The following CADM2 variants were observed in gnomAD, a reference collection of about 807,000 sequenced individuals.
CADM2 encodes cell adhesion molecule 2.
Under a neutral mutation model 49.8 loss-of-function variants are expected in CADM2, and 12 were observed. The ratio of observed to expected loss-of-function variants is 0.24; its 90% CI spans 0.15 to 0.39. The LOEUF (loss-of-function observed/expected upper bound fraction) is 0.39, where lower values mean the gene tolerates loss of function less well. CADM2 is among the 10% of genes least tolerant of loss of function. CADM2 has a pLI of 1.00. For synonymous variants in CADM2, 214 were observed against 175.4 expected (o/e 1.22, Z -1.74); for missense variants, 378 against 492.3 (o/e 0.77, Z 2.20).
chr3:85,552,138 A>G (rs1350748598), intron 1 of CADM2, among the ~76,000 whole-genome samples: 1 of 152,106 alleles, frequency 6.6e-6, no homozygotes, highest in Non-Finnish European at 1.5e-5. Context: ...TAGAGATACA[A>G]AAGACTTTAG....
At chr3:85,059,754 C>T (rs2036235252) in intron 1 of CADM2, among the ~76,000 whole-genome samples, 1 of 152,170 alleles carries the variant, frequency 6.6e-6, no homozygotes, top group Non-Finnish European at 1.5e-5. Flanking sequence ...ACATGTTTTT[C>T]ATCTTCTGCC....
chr3:85,875,636 A>G (rs1483846003), intron 3 of CADM2, among the ~76,000 whole-genome samples: 1 of 152,150 alleles, frequency 6.6e-6, no homozygotes, highest in Non-Finnish European at 1.5e-5. Flanking sequence ...AGAGATTTCA[A>G]CTGAAAAAAA....
At chr3:85,192,014 T>C (rs1385537103) in intron 1 of CADM2, among the ~76,000 whole-genome samples, 2 of 151,764 alleles carry the variant, frequency 1.3e-5, no homozygotes, top group African/African-American at 2.4e-5. Context: ...TGTTGGACAA[T>C]GTCTCATAAA....
At chr3:85,075,054 G>A (rs1056707957) in intron 1 of CADM2, among the ~76,000 whole-genome samples, 1 of 152,140 alleles carries the variant, frequency 6.6e-6, no homozygotes, top group Non-Finnish European at 1.5e-5. Flanking sequence ...TGTAAAAGCA[G>A]AGCCCATAAA....
At chr3:85,287,456 G>T (rs2043661802) in intron 1 of CADM2, among the ~76,000 whole-genome samples, 1 of 151,904 alleles carries the variant, frequency 6.6e-6, no homozygotes, top group African/African-American at 2.4e-5. Context: ...TAAATAAATA[G>T]AATTTTTCAG....
rs546845223 is a variant in CADM2 at position 85,672,343 on chromosome 3, C to T, written c.62-54179C>T. 3.2e-4 allele frequency among the ~76,000 whole-genome samples: 48 copies of T among 151,982 alleles called. 1 individual carries two copies. The South Asian group carries it at 9.6e-3, about 30-fold the overall frequency. Reference sequence around the variant, plus strand: ...GAGTAGCTGGGACTACAGGTGCCCGCCACCACGCCTGACTAATTTTTTGTA... The same window carrying T: ...GAGTAGCTGGGACTACAGGTGCCCGTCACCACGCCTGACTAATTTTTTGTA... On this transcript the variant is annotated intron_variant, in intron 1 of 9. Coordinates refer to ENST00000383699, the MANE Select transcript of CADM2 (RefSeq NM_001167675.2).
intron 3 of CADM2, among the ~76,000 whole-genome samples, chr3:85,827,745 G>A (rs1685856839): frequency 6.6e-6 from 1 of 151,922 alleles, no homozygotes; most frequent in Non-Finnish European, 1.5e-5. Flanking sequence ...CTGCTGTGCT[G>A]TATTTTTCCC....
Position 85,904,524 on chromosome 3 carries a change from C to T in CADM2, c.530-7849C>T, listed in dbSNP as rs968109391. On this transcript the variant is annotated intron_variant, in intron 5 of 9. Coordinates refer to ENST00000383699, the MANE Select transcript of CADM2 (RefSeq NM_001167675.2). ...AGGGAGAAAGTCATGGTTCAAATAC[C>T]ATAGACTCTATCTGTTCTTACTAAG... Among the ~76,000 whole-genome samples the T allele has an allele frequency of 2.6e-5, 4 of 152,118 alleles. 1 individual carries two copies. The highest frequency in any genetic ancestry group is 9.7e-5 in the African/African-American group (4 of 41,418).
At chr3:85,792,762 G>A (rs957703561) in intron 2 of CADM2, among the ~76,000 whole-genome samples, 1 of 152,222 alleles carries the variant, frequency 6.6e-6, no homozygotes, top group African/African-American at 2.4e-5. Context: ...TTCGAAAGCA[G>A]AGTGATGCTT....
At chr3:85,736,247 A>G (rs1458253842) in intron 2 of CADM2, among the ~76,000 whole-genome samples, 1 of 152,248 alleles carries the variant, frequency 6.6e-6, no homozygotes, top group Admixed American at 6.5e-5. Context: ...GGATTTAGCA[A>G]TGTGGAAACA....
chr3:85,112,356 A>ATT (rs201365936), intron 1 of CADM2, among the ~76,000 whole-genome samples: 14,676 of 144,156 alleles, frequency 0.1, 1,535 homozygotes, highest in African/African-American at 0.27. Flanking sequence ...AGAAACTGTC[A>ATT]TTTTTTTTTT....
intron 2 of CADM2, among the ~76,000 whole-genome samples, chr3:85,774,487 T>C (rs930829752): frequency 6.6e-6 from 1 of 151,800 alleles, no homozygotes; most frequent in Non-Finnish European, 1.5e-5. Context: ...TTTTCATCTG[T>C]AAAAATTATG....
chr3:85,305,586 AC>A (rs2044193942), intron 1 of CADM2, among the ~76,000 whole-genome samples: 1 of 151,690 alleles, frequency 6.6e-6, no homozygotes, highest in Non-Finnish European at 1.5e-5. Flanking sequence ...CCAGCTACCA[AC>A]AATAATGTTT....
In CADM2 at chr3:85,033,343, C is replaced by T. The variant is rs7636250; in HGVS notation, c.61+73675C>T. On this transcript the variant is annotated intron_variant, in intron 1 of 9. Transcript: ENST00000383699. ...GAATTTAAAGTTTATTTTTAGGTAG[C>T]TTCTTTGTGTTTACACTGTTTTCTT... Among the ~76,000 whole-genome samples the T allele has an allele frequency of 4.6e-3, 700 of 152,232 alleles. 4 individuals carry two copies. The highest frequency in any genetic ancestry group is 0.016 in the African/African-American group (673 of 41,562).
chr3:85,816,509 T>A (rs1314530371), intron 3 of CADM2, among the ~76,000 whole-genome samples: 1 of 152,178 alleles, frequency 6.6e-6, no homozygotes, highest in Non-Finnish European at 1.5e-5. Context: ...ATAAATGGTC[T>A]TGATGTATAG....
intron 1 of CADM2, among the ~76,000 whole-genome samples, chr3:85,484,222 C>T (rs1206395740): frequency 6.6e-6 from 1 of 151,928 alleles, no homozygotes; most frequent in East Asian, 1.9e-4. Context: ...ATATTACCGT[C>T]CACCTAACAG....
intron 1 of CADM2, among the ~76,000 whole-genome samples, chr3:85,005,612 G>A (rs2033680054): frequency 6.6e-6 from 1 of 152,016 alleles, no homozygotes; most frequent in African/African-American, 2.4e-5. Context: ...TGAGCCATTA[G>A]CACTGTCTGT....
intron 1 of CADM2, among the ~76,000 whole-genome samples, chr3:85,181,079 A>G (rs2040922669): frequency 6.6e-6 from 1 of 152,170 alleles, no homozygotes; most frequent in African/African-American, 2.4e-5. Flanking sequence ...TCACTTGAGG[A>G]GCTTAAATGA....
chr3:85,435,897 A>G (rs2036905868), intron 1 of CADM2, among the ~76,000 whole-genome samples: 1 of 151,472 alleles, frequency 6.6e-6, no homozygotes, highest in Non-Finnish European at 1.5e-5. Context: ...AATTTGTTTA[A>G]GTTCCTTGTA....
Sources: gnomAD v4.1 joint callset for allele counts (sites outside exome capture counted in the v4.1 genomes callset) on GRCh38, gnomAD v4.1.1 for gene constraint, MANE v1.5 for transcripts, NCBI Gene and HGNC (gene_info 2026-07-23, HGNC 2026-07-21) for gene names.